Variants in PPP2R2D observed in about 807,000 individuals in gnomAD.
The protein encoded by PPP2R2D is protein phosphatase 2 regulatory subunit Bdelta.
In PPP2R2D, 9 loss-of-function variants were observed where a neutral mutation model predicts 31.1. The ratio of observed to expected loss-of-function variants is 0.29; its 90% confidence interval spans 0.17 to 0.51. The LOEUF (loss-of-function observed/expected upper bound fraction) is 0.51. Among genes scored for constraint, PPP2R2D ranks in the 20% least tolerant of loss-of-function variants. PPP2R2D has a pLI of 0.98. For missense variants in PPP2R2D, 391 were observed against 465.6 expected, an observed-to-expected ratio of 0.84 and a Z score of 1.48; for synonymous variants, 179 against 172.6, an observed-to-expected ratio of 1.04 and a Z score of -0.29.
At chr10:131,923,422 G>C (rs1374765523) in intron 2 of PPP2R2D, among the ~76,000 whole-genome samples, 1 of 152,158 alleles carries the variant, frequency 6.6e-6, no homozygotes, top group African/African-American at 2.4e-5. Context: ...TCTTGTACAT[G>C]TTTTTGTATA....
At chr10:131,932,667 A>AAAAAAAAAAAAAC (rs1564817986) in intron 2 of PPP2R2D, among the ~76,000 whole-genome samples, 11 of 133,170 alleles carry the variant, frequency 8.3e-5, no homozygotes, top group South Asian at 2.2e-4. Context: ...AAAAAAAAAA[A>AAAAAAAAAAAAAC]ACACACAAAA....
At chr10:131,904,234 G>C (rs1238026422) in intron 2 of PPP2R2D, among the ~76,000 whole-genome samples, 6 of 147,666 alleles carry the variant, frequency 4.1e-5, no homozygotes, top group East Asian at 4.0e-4. Flanking sequence ...AGAGATGGCC[G>C]GGCGCAGTGG....
At position 131,906,691 on chromosome 10, in the gene PPP2R2D, T is replaced by G. The variant is rs949354480; in HGVS notation, c.100+5361T>G. ...GTCTCAGCACTTCAGGAGGCCAAGATGGCAGGATCCCTTGAGCCCAGCAAT... is the reference window on the plus strand; with the variant it reads ...GTCTCAGCACTTCAGGAGGCCAAGAGGGCAGGATCCCTTGAGCCCAGCAAT... On this transcript the variant is annotated intron_variant, in intron 2 of 8. Transcript: ENST00000455566. Among the ~76,000 whole-genome samples the G allele has an allele frequency of 3.4e-3, 517 of 151,114 alleles. 5 individuals are homozygous for G. Among genetic ancestry groups the G allele is most frequent in the African/African-American group, 0.012 (484 of 41,186 alleles).
At chr10:131,920,766 TAAAA>T (rs2035971286) in intron 2 of PPP2R2D, among the ~76,000 whole-genome samples, 1 of 152,164 alleles carries the variant, frequency 6.6e-6, no homozygotes. Context: ...CCGTTGCTAC[TAAAA>T]ATACAAAAAT....
At chr10:131,970,933 T>C in the PPP2R2D span, 1 of 1,614,254 alleles carries the variant, frequency 6.2e-7, no homozygotes. This position sits in a 1 kb window ranked among gnomAD's most constrained non-coding sequence, Gnocchi z 4.1. Context: ...CAAGATGCTT[T>C]CAACTTCTTT....
chr10:131,911,741 G>A (rs954052048), intron 2 of PPP2R2D: 42,431 of 151,782 alleles, frequency 0.28, 6,011 homozygotes, highest in East Asian at 0.45. Flanking sequence ...GTTCTTGACC[G>A]TTGCACCCTC....
intron 3 of PPP2R2D, among the ~76,000 whole-genome samples, chr10:131,938,068 G>A (rs546899458): frequency 6.7e-5 from 10 of 149,558 alleles, no homozygotes; most frequent in African/African-American, 2.2e-4. Context: ...TGCCCTGCAC[G>A]TCAGACTCAG....
chr10:131,969,463 G>T, the PPP2R2D span: 1 of 152,192 alleles, frequency 6.6e-6, no homozygotes, highest in Non-Finnish European at 1.5e-5. Context: ...ACTCCCAAAA[G>T]CACCAGCAGA....
chr10:131,904,826 C>G (rs1219978837), intron 2 of PPP2R2D, among the ~76,000 whole-genome samples: 1 of 152,130 alleles, frequency 6.6e-6, no homozygotes, highest in African/African-American at 2.4e-5. Context: ...AGTAGGCACT[C>G]CTGACTTTGG....
the PPP2R2D span, chr10:131,970,521 T>G: frequency 1.4e-6 from 2 of 1,384,282 alleles, no homozygotes; most frequent in Non-Finnish European, 9.7e-7. This position sits in a 1 kb window ranked among gnomAD's most constrained non-coding sequence, Gnocchi z 4.1. Flanking sequence ...TTTGTGAAAA[T>G]GCACCAAGCT....
chr10:131,963,930 C>A (rs562819376), downstream of PPP2R2D, among the ~76,000 whole-genome samples: 1 of 152,160 alleles, frequency 6.6e-6, no homozygotes, highest in Non-Finnish European at 1.5e-5. Flanking sequence ...TCACGAGTGT[C>A]GGTTTTTCCT....
chr10:131,971,308 G>T, the PPP2R2D span: 1 of 325,412 alleles, frequency 3.1e-6, no homozygotes, highest in Non-Finnish European at 5.8e-6. Context: ...TGAGGGCAAA[G>T]ATGGTGACGG....
In PPP2R2D at chr10:131,959,758, C is replaced by T. The variant is rs1380891832; in HGVS notation, c.*3795C>T. 1 of 152,182 alleles carries T rather than the reference C, an allele frequency of 6.6e-6. No homozygotes were observed. The highest frequency in any genetic ancestry group is 1.5e-5 in the Non-Finnish European group (1 of 68,056). 9.4% of individuals were successfully genotyped at this position (152,182 alleles called of 1,614,324 possible). On this transcript the variant is annotated 3_prime_UTR_variant, in exon 9 of 9. Coordinates refer to ENST00000455566, the MANE Select transcript of PPP2R2D (RefSeq NM_018461.5). ...GTCAACCCTGGTCCTTAAGACAGTT[C>T]TAGTAAAATGGGATTGTATATATTT... is the stretch of plus-strand genomic sequence containing the variant.
Position 131,953,358 on chromosome 10 carries a change from G to A in PPP2R2D, c.1083-2326G>A, listed in dbSNP as rs375986659. 1.3e-4 allele frequency among the ~76,000 whole-genome samples: 8 copies of A among 60,748 alleles called. 1 individual carries two copies. Among genetic ancestry groups the A allele is most frequent in the Admixed American group, 4.0e-4 (2 of 4,976 alleles). The allele number at this position is 60,748 out of a possible 152,430, so 39.9% of individuals were successfully genotyped here. On this transcript the variant is annotated intron_variant, in intron 8 of 8. Transcript: ENST00000455566. The stretch of plus-strand genomic sequence containing the variant: ...TGTCTTAGTGACTTCCAGTTGTGCG[G>A]GGGGTTCACTTAGCAGTGACTTGCA...
rs1229531944 is a variant in PPP2R2D at position 131,901,020 on chromosome 10, C to CCGGCGG, written c.-108_-103dup. The CCGGCGG allele has an allele frequency of 5.2e-3, 804 of 154,106 alleles. 5 individuals carry two copies. The highest frequency in any genetic ancestry group is 0.029 in the South Asian group (161 of 5,632). The allele number at this position is 154,106 out of a possible 1,614,324, so 9.5% of individuals were successfully genotyped here. Reference sequence around the variant, plus strand: ...TTTGAAAAGGGAAAAAAATCCCTCCCCGGCGGCGGCGGCGGCGGCGGCGGC... The same window carrying CCGGCGG: ...TTTGAAAAGGGAAAAAAATCCCTCCCCGGCGGCGGCGGCGGCGGCGGCGGCGGCGGC... On this transcript the variant is annotated 5_prime_UTR_variant, in exon 1 of 9. Transcript: ENST00000455566.
downstream of PPP2R2D, among the ~76,000 whole-genome samples, chr10:131,961,085 G>T (rs2036913841): frequency 6.6e-6 from 1 of 152,170 alleles, no homozygotes; most frequent in Non-Finnish European, 1.5e-5. Context: ...AGCCACAGGT[G>T]GGGAGACAAT....
the PPP2R2D span, chr10:131,968,592 G>A: frequency 3.2e-6 from 5 of 1,571,414 alleles, no homozygotes; most frequent in Non-Finnish European, 4.4e-6. Flanking sequence ...ATTATCAGTA[G>A]TTAATGTATC....
chr10:131,957,450 G>T lies in PPP2R2D; in HGVS notation c.*1487G>T, dbSNP rs1168843261. 3 of 174,006 alleles carry T rather than the reference G, an allele frequency of 1.7e-5. No individual in the cohort carries two copies. The highest frequency in any genetic ancestry group is 2.6e-3 in the Middle Eastern group (1 of 382). 10.8% of individuals were successfully genotyped at this position (174,006 alleles called of 1,614,324 possible). On this transcript the variant is annotated 3_prime_UTR_variant, in exon 9 of 9. Coordinates refer to ENST00000455566, the MANE Select transcript of PPP2R2D (RefSeq NM_018461.5). ...CCCCATCCCATCCCCCTGTCTAGAT[G>T]AAGGTGTGTGCTGATTCCTCATGCC...
In PPP2R2D at chr10:131,921,780, C is replaced by G. The variant is rs139040071; in HGVS notation, c.101-12678C>G. On this transcript the variant is annotated intron_variant, in intron 2 of 8. Transcript: ENST00000455566. ...TGGTGATTGTGTCAGAGCCCCTGGC[C>G]TGTCGTTGGTGGTTATAAAGCGCTT... Among the ~76,000 whole-genome samples, 542 of 152,230 alleles carry G rather than the reference C, an allele frequency of 3.6e-3. 2 individuals carry two copies. Among genetic ancestry groups the G allele is most frequent in the Middle Eastern group, 0.017 (5 of 294 alleles).
Sources: gnomAD v4.1 joint callset for allele counts (sites outside exome capture counted in the v4.1 genomes callset) on GRCh38, gnomAD v4.1.1 for gene constraint, Gnocchi (gnomAD v3.1) non-coding constraint, MANE v1.5 for transcripts, NCBI Gene and HGNC (gene_info 2026-07-23, HGNC 2026-07-21) for gene names.